The following NFATC3 variants were observed in gnomAD, a reference collection of about 807,000 sequenced individuals.
NFATC3 encodes the protein nuclear factor of activated T-cells, cytoplasmic 3.
A neutral mutation model predicts 98.6 loss-of-function variants in NFATC3; 46 were observed. The observed-to-expected ratio is 0.47, with a 90% CI of 0.37 to 0.60. The LOEUF is 0.60. Ranked by LOEUF, NFATC3 falls within the 20% of genes least tolerant of loss-of-function variation. The pLI is 0.00. For missense variants in NFATC3, 1,256 were observed against 1,295.5 expected, an observed-to-expected ratio of 0.97 and a Z score of 0.47; for synonymous variants, 512 against 472.2, an observed-to-expected ratio of 1.08 and a Z score of -1.09.
At chr16:68,145,805 ACTAT>A (rs1216389588) in intron 3 of NFATC3, among the ~76,000 whole-genome samples, 1 of 152,200 alleles carries the variant, frequency 6.6e-6, no homozygotes, top group Admixed American at 6.5e-5. Context: ...ATTGCATAAA[ACTAT>A]ATACACACAT....
intron 9 of NFATC3, among the ~76,000 whole-genome samples, chr16:68,197,776 G>C (rs1451470334): frequency 1.3e-5 from 2 of 152,140 alleles, no homozygotes; most frequent in African/African-American, 4.8e-5. Flanking sequence ...ACTACTTAAA[G>C]ATACTTATCC....
intron 4 of NFATC3, among the ~76,000 whole-genome samples, chr16:68,163,956 G>C (rs567676241): frequency 6.6e-6 from 1 of 151,438 alleles, no homozygotes; most frequent in Admixed American, 6.6e-5. Flanking sequence ...CGTCCCAGAC[G>C]ATGGGCGGCC....
At chr16:68,113,616 T>C (rs1337334641) in intron 1 of NFATC3, among the ~76,000 whole-genome samples, 1 of 152,184 alleles carries the variant, frequency 6.6e-6, no homozygotes, top group African/African-American at 2.4e-5. Context: ...GCCCCTTGGC[T>C]GAGCAGGTTC....
chr16:68,165,889 A>G (rs963256913), intron 4 of NFATC3, among the ~76,000 whole-genome samples: 20 of 152,222 alleles, frequency 1.3e-4, no homozygotes, highest in African/African-American at 4.1e-4. Context: ...TATTCTTCCA[A>G]TATGTGAATA....
intron 3 of NFATC3, among the ~76,000 whole-genome samples, chr16:68,133,947 G>C (rs1186284725): frequency 3.3e-5 from 5 of 151,706 alleles, no homozygotes; most frequent in Non-Finnish European, 5.9e-5. Context: ...ATGTCTGGGA[G>C]TGTAGTTACT....
chr16:68,138,079 G>T (rs1483106302), intron 3 of NFATC3, among the ~76,000 whole-genome samples: 3 of 151,718 alleles, frequency 2.0e-5, no homozygotes, highest in Non-Finnish European at 4.4e-5. Flanking sequence ...CTGTTGCCCG[G>T]GCTAGAGTGC....
chr16:68,098,942 C>G (rs773710504), intron 1 of NFATC3, among the ~76,000 whole-genome samples: 6 of 152,004 alleles, frequency 3.9e-5, no homozygotes, highest in African/African-American at 1.5e-4. Flanking sequence ...TTCTGGGTAC[C>G]CTTTACTCAG....
chr16:68,204,270 G>A (rs1168664366), intron 9 of NFATC3, among the ~76,000 whole-genome samples: 1 of 152,126 alleles, frequency 6.6e-6, no homozygotes, highest in Non-Finnish European at 1.5e-5. Flanking sequence ...GCTGAGGCAG[G>A]AGAATCACTT....
intron 9 of NFATC3, among the ~76,000 whole-genome samples, chr16:68,220,429 CT>C (rs1273290452): frequency 6.6e-6 from 1 of 151,958 alleles, no homozygotes; most frequent in African/African-American, 2.4e-5. Flanking sequence ...CCACTGCACT[CT>C]AGCCTGGGTG....
chr16:68,138,030 T>TA (rs1361988100), intron 3 of NFATC3, among the ~76,000 whole-genome samples: 3 of 151,994 alleles, frequency 2.0e-5, no homozygotes, highest in South Asian at 2.1e-4. Flanking sequence ...TCTCTTACTT[T>TA]AAAAAAAAAT....
At chr16:68,201,740 C>T (rs1216878222) in intron 9 of NFATC3, among the ~76,000 whole-genome samples, 1 of 150,212 alleles carries the variant, frequency 6.7e-6, no homozygotes, top group Non-Finnish European at 1.5e-5. Flanking sequence ...CACCTGAGGT[C>T]AGGAGTTCGA....
At position 68,226,396 on chromosome 16, in the gene NFATC3, A is replaced by G. The variant is rs754552108; in HGVS notation, c.3153A>G (p.Gln1051=). The change falls in exon 10 of 10, where the codon CAA becomes CAG. Residue 1051 remains glutamine, a synonymous_variant. Coordinates refer to ENST00000346183, the MANE Select transcript of NFATC3 (RefSeq NM_173165.3). ...GRDMSQISVS[Q]GAGVSRQAPL... ...ACATGTCCCAGATTTCTGTTTCCCAAGGAGCAGGGGTGAGCAGGCAGGCTC... is the reference window on the plus strand; with the variant it reads ...ACATGTCCCAGATTTCTGTTTCCCAGGGAGCAGGGGTGAGCAGGCAGGCTC... 9.6e-6 allele frequency: 15 copies of G among 1,568,598 alleles called. No individual in the cohort carries two copies. The highest frequency in any genetic ancestry group is 1.4e-5 in the African/African-American group (1 of 71,502).
chr16:68,115,552 G>A (rs1382629322), intron 1 of NFATC3, among the ~76,000 whole-genome samples: 1 of 152,032 alleles, frequency 6.6e-6, no homozygotes, highest in Non-Finnish European at 1.5e-5. Context: ...AGCCTCCCAA[G>A]TAGCTGGGAT....
intron 9 of NFATC3, 172 bp downstream of exon 9, chr16:68,191,947 C>A: frequency 2.9e-6 from 2 of 687,714 alleles, no homozygotes; most frequent in Non-Finnish European, 4.7e-6. Flanking sequence ...CCACGGCTCA[C>A]GCCTGTATCC....
At chr16:68,209,698 TA>T in intron 9 of NFATC3, 1 of 435,908 alleles carries the variant, frequency 2.3e-6, no homozygotes, top group East Asian at 6.7e-5. Flanking sequence ...GACAAGAAGC[TA>T]GGGGGAATGG....
Position 68,185,242 on chromosome 16 carries a change from G to A in NFATC3, c.2098+1876G>A, listed in dbSNP as rs1241825508. 3.3e-5 allele frequency among the ~76,000 whole-genome samples: 5 copies of A among 152,138 alleles called. No homozygotes were observed. The South Asian group carries it at 6.2e-4, about 19-fold the overall frequency. On this transcript the variant is annotated intron_variant, in intron 8 of 9. Coordinates refer to ENST00000346183, the MANE Select transcript of NFATC3 (RefSeq NM_173165.3). ...TCCGCTTGCCTTGGCCTTCCAAAGC[G>A]CTGGGATTGCAGGTGTGAGCCACCG...
At position 68,116,296 on chromosome 16, in the gene NFATC3, A is replaced by G. The variant is rs1034953836; in HGVS notation, c.104-5691A>G. ...CTATAGCCTACAAACTAATGATTTT[A>G]AATGTGGCCTACCACTTGTTGGTGG... On this transcript the variant is annotated intron_variant, in intron 1 of 9. Transcript: ENST00000346183. Among the ~76,000 whole-genome samples, 12 of 152,194 alleles carry G rather than the reference A, an allele frequency of 7.9e-5. No individual in the cohort carries two copies. In the South Asian group the frequency reaches 2.1e-3, roughly 26 times the overall value.
intron 6 of NFATC3, among the ~76,000 whole-genome samples, chr16:68,175,983 C>CT (rs1262528278): frequency 2.0e-5 from 3 of 152,004 alleles, no homozygotes; most frequent in African/African-American, 7.2e-5. Context: ...TTGACCCTTG[C>CT]TTTTCTTTTT....
At chr16:68,216,568 G>C (rs1369672973) in intron 9 of NFATC3, among the ~76,000 whole-genome samples, 2 of 150,844 alleles carry the variant, frequency 1.3e-5, no homozygotes, top group African/African-American at 4.9e-5. Flanking sequence ...GTCTCGCTCT[G>C]TTGCCTAGGC....
Sources: gnomAD v4.1 joint callset for allele counts (sites outside exome capture counted in the v4.1 genomes callset) on GRCh38, gnomAD v4.1.1 for gene constraint, MANE v1.5 for transcripts, NCBI Gene and HGNC (gene_info 2026-07-23, HGNC 2026-07-21) for gene names.